Variants in SPG11 observed in about 807,000 individuals in gnomAD.
The protein encoded by SPG11 is SPG11 vesicle trafficking associated, spatacsin, also known as spatacsin.
Under a neutral mutation model 274.0 loss-of-function variants are expected in SPG11, and 222 were observed. That is an observed-to-expected ratio of 0.81 (90% confidence interval 0.73 to 0.91). The LOEUF (loss-of-function observed/expected upper bound fraction) is 0.91. SPG11 is among the 40% of genes least tolerant of loss of function. The pLI is 0.00. For missense variants in SPG11, 3,114 were observed against 2,872.7 expected (o/e 1.08, Z -1.92); for synonymous variants, 1,144 against 1,039.7 (o/e 1.10, Z -1.93).
intron 19 of SPG11, among the ~76,000 whole-genome samples, chr15:44,606,532 G>GA (rs2083322439): frequency 1.3e-5 from 2 of 152,144 alleles, no homozygotes; most frequent in South Asian, 4.1e-4. Context: ...ATGGTTGAAG[G>GA]AATGTGATGA....
At chr15:44,587,077 A>T (rs1377519933) in intron 28 of SPG11, among the ~76,000 whole-genome samples, 5 of 152,248 alleles carry the variant, frequency 3.3e-5, no homozygotes, top group Non-Finnish European at 7.3e-5. Context: ...TCACGCCTAT[A>T]TTCCCAGAAC....
intron 38 of SPG11, 40 bp downstream of exon 38, chr15:44,565,814 G>A: frequency 3.1e-6 from 5 of 1,612,238 alleles, no homozygotes; most frequent in Non-Finnish European, 4.2e-6. Context: ...AAGGAGAGAG[G>A]ATGCTAGCAG....
rs182681514 is a variant in SPG11, at chr15:44,566,343, C to A, written c.6755-38G>T. On this transcript the variant is annotated intron_variant, in intron 36 of 39. Coordinates refer to ENST00000261866, the MANE Select transcript of SPG11 (RefSeq NM_025137.4). ...TAAAGAAGATTTGCCGAGTCTGACTCCCAAAGCTCACTGTTCTCATCCCAC... is the reference window on the plus strand; with the variant it reads ...TAAAGAAGATTTGCCGAGTCTGACTACCAAAGCTCACTGTTCTCATCCCAC... 180 of 1,588,404 alleles carry A rather than the reference C, an allele frequency of 1.1e-4. No homozygotes were observed. In the African/African-American group the frequency reaches 2.2e-3, roughly 19 times the overall value.
chr15:44,641,627 ACACAC>A (rs1202506558), intron 7 of SPG11, among the ~76,000 whole-genome samples: 3 of 151,410 alleles, frequency 2.0e-5, no homozygotes, highest in African/African-American at 7.3e-5. Flanking sequence ...ACACACACAC[ACACAC>A]AAAACCTTAA....
intron 29 of SPG11, 82 bp downstream of exon 29, chr15:44,585,554 A>G: frequency 8.6e-7 from 1 of 1,161,900 alleles, no homozygotes; most frequent in East Asian, 2.4e-5. Context: ...GCGAGCGGAG[A>G]TCGCGCCACT....
intron 30 of SPG11, among the ~76,000 whole-genome samples, chr15:44,580,180 G>A (rs1450797200): frequency 6.6e-6 from 1 of 152,060 alleles, no homozygotes; most frequent in East Asian, 1.9e-4. Flanking sequence ...GATATGTCTA[G>A]ATACACAAAT....
At position 44,564,578 on chromosome 15, in the gene SPG11, T is replaced by TTAA. The variant is rs2082271532; in HGVS notation, c.7117_7119dup (p.Leu2373dup). On this transcript the variant is annotated inframe_insertion, in exon 39 of 40. Transcript: ENST00000261866. ...GAAATCTCTTCAAATATACTGGACT[T>TTAA]TAATAACCTTTGCTGCTTAAATTCT... The TTAA allele has an allele frequency of 6.2e-7, 1 of 1,613,928 alleles. No homozygotes were observed. Among genetic ancestry groups the TTAA allele is most frequent in the African/African-American group, 1.3e-5 (1 of 74,924 alleles).
At chr15:44,572,038 C>T (rs1397029675) in intron 33 of SPG11, among the ~76,000 whole-genome samples, 2 of 152,278 alleles carry the variant, frequency 1.3e-5, no homozygotes, top group East Asian at 1.9e-4. Flanking sequence ...TAATTATCCT[C>T]TGCCCTCGGC....
At chr15:44,643,666 C>T (rs189562159) in intron 7 of SPG11, among the ~76,000 whole-genome samples, 1 of 151,960 alleles carries the variant, frequency 6.6e-6, no homozygotes, top group Admixed American at 6.6e-5. Flanking sequence ...CCCCTCATCC[C>T]CCCAAAAAAG....
chr15:44,637,489 A>G (rs998993205), intron 7 of SPG11, among the ~76,000 whole-genome samples: 1 of 151,938 alleles, frequency 6.6e-6, no homozygotes, highest in African/African-American at 2.4e-5. Context: ...ATTTTTTTGT[A>G]TTTTTAGTAG....
At chr15:44,633,401 T>C (rs1301527256) in intron 8 of SPG11, 104 bp downstream of exon 8, 7 of 662,510 alleles carry the variant, frequency 1.1e-5, no homozygotes, top group Admixed American at 3.8e-5. Flanking sequence ...CATGACTAAG[T>C]TTTGGCAAGT....
At chr15:44,596,759 T>C in intron 24 of SPG11, 25 bp downstream of exon 24, 2 of 1,595,756 alleles carry the variant, frequency 1.3e-6, no homozygotes, top group Non-Finnish European at 1.7e-6. Context: ...TCCTTTTGAG[T>C]GACTGCTAAC....
intron 17 of SPG11, 109 bp downstream of exon 17, chr15:44,613,321 T>G (rs1340235321): frequency 1.3e-6 from 1 of 789,434 alleles, no homozygotes; most frequent in East Asian, 2.8e-5. Context: ...TTCAGATAGC[T>G]GACCACAGCC....
chr15:44,633,423 C>A, intron 8 of SPG11, 82 bp downstream of exon 8: 1 of 985,310 alleles, frequency 1.0e-6, no homozygotes, highest in South Asian at 1.7e-5. Context: ...AATGAGTCAT[C>A]AGAAAACACA....
chr15:44,663,493 T>C lies in SPG11; in HGVS notation c.155A>G (p.Glu52Gly). 1.3e-6 allele frequency: 2 copies of C among 1,593,414 alleles called. No homozygotes were observed. The highest frequency in any genetic ancestry group is 1.7e-6 in the Non-Finnish European group (2 of 1,170,778). Residue 52 changes from glutamate (E) to glycine (G), a missense_variant, in exon 1 of 40, where the codon GAG becomes GGG. Transcript: ENST00000261866. ...GSRAQLRTQP[E>G]ALGSLTAAGS... ...CGCAGCCGTCAGGCTCCCCAGAGCC[T>C]CCGGCTGTGTGCGCAGCTGCGCCCG...
chr15:44,596,754 T>C (rs1254511770), intron 24 of SPG11, 30 bp downstream of exon 24: 1 of 1,612,296 alleles, frequency 6.2e-7, no homozygotes, highest in Admixed American at 1.7e-5. Flanking sequence ...CTATTTCCTT[T>C]TGAGTGACTG....
chr15:44,632,972 CAG>C lies in SPG11; in HGVS notation c.1735+531_1735+532del, dbSNP rs2084115598. 2.6e-5 allele frequency among the ~76,000 whole-genome samples: 4 copies of C among 152,238 alleles called. No individual in the cohort carries two copies. The South Asian group carries it at 8.3e-4, about 32-fold the overall frequency. On this transcript the variant is annotated intron_variant, in intron 8 of 39. Transcript: ENST00000261866. ...GCCTCTTCCTTGCATAATAAAAATA[CAG>C]AGTACAGTAAAAGATATGAGCAATA...
chr15:44,641,499 C>T, intron 7 of SPG11, among the ~76,000 whole-genome samples: 1 of 149,164 alleles, frequency 6.7e-6, no homozygotes, highest in Non-Finnish European at 1.5e-5. Context: ...ACACTATAAA[C>T]CAATAAGAAA....
Position 44,564,373 on chromosome 15 carries a change from T to G in SPG11, c.7151+174A>C, listed in dbSNP as rs943682768. On this transcript the variant is annotated intron_variant, in intron 39 of 39. Coordinates refer to ENST00000261866, the MANE Select transcript of SPG11 (RefSeq NM_025137.4). ...ACTATGAGCAAACTGTTCTTGTTGA[T>G]CTCTTTGCATAAATCTGTTAAAAGA... is the stretch of plus-strand genomic sequence containing the variant. Among the ~76,000 whole-genome samples, 15 of 152,358 alleles carry G rather than the reference T, an allele frequency of 9.8e-5. 1 individual carries two copies. The highest frequency in any genetic ancestry group is 7.8e-4 in the Admixed American group (12 of 15,308).
Sources: allele counts gnomAD v4.1 joint callset (sites outside exome capture counted in the v4.1 genomes callset), GRCh38; gene constraint gnomAD v4.1.1; transcripts MANE v1.5; gene names NCBI Gene and HGNC (gene_info 2026-07-23, HGNC 2026-07-21).